NDEL1: variants seen among roughly 807,000 people sequenced by gnomAD.
NDEL1 encodes nudE neurodevelopment protein 1 like 1.
A neutral mutation model predicts 45.7 loss-of-function variants in NDEL1; 9 were observed. The ratio of observed to expected loss-of-function variants is 0.20; its 90% CI spans 0.12 to 0.34. NDEL1 has a LOEUF of 0.34. Ranked by LOEUF, NDEL1 falls within the 10% of genes least tolerant of loss-of-function variation. The probability of loss-of-function intolerance (pLI) is 1.00; values close to 1 mark genes in which losing one functional copy is unlikely to be tolerated. For missense variants in NDEL1, 306 were observed against 406.2 expected (o/e 0.75, Z 2.12); for synonymous variants, 133 against 158.6 (o/e 0.84, Z 1.21).
At chr17:8,425,615 TC>T (rs1212938444) in intron 1 of NDEL1, among the ~76,000 whole-genome samples, 1 of 152,026 alleles carries the variant, frequency 6.6e-6, no homozygotes, top group African/African-American at 2.4e-5. Context: ...AAGCTTTTAT[TC>T]ATTGAATAAA....
intron 1 of NDEL1, among the ~76,000 whole-genome samples, chr17:8,420,227 A>G (rs1181569102): frequency 2.6e-5 from 4 of 152,312 alleles, no homozygotes; most frequent in Middle Eastern, 3.4e-3. Context: ...GGGAACATGA[A>G]TAGCTGCTTC....
At position 8,420,592 on chromosome 17, in the gene NDEL1, C is replaced by T. The variant is rs113947879; in HGVS notation, c.-13+7323C>T. 9.7e-3 allele frequency among the ~76,000 whole-genome samples: 1,482 copies of T among 152,292 alleles called. 17 individuals are homozygous for T. The highest frequency in any genetic ancestry group is 0.033 in the African/African-American group (1,377 of 41,560). Reference sequence around the variant, plus strand: ...AGCTTATTCTTCCCTGGGGCCTGGACGCTGTCCAGATGTAGGTCAAGTAAA... The same window carrying T: ...AGCTTATTCTTCCCTGGGGCCTGGATGCTGTCCAGATGTAGGTCAAGTAAA... On this transcript the variant is annotated intron_variant, in intron 1 of 4. Transcript: ENST00000582812.
intron 7 of NDEL1, among the ~76,000 whole-genome samples, chr17:8,458,376 C>A (rs2151734525): frequency 6.6e-6 from 1 of 152,178 alleles, no homozygotes; most frequent in South Asian, 2.1e-4. Context: ...GGATGTCTTT[C>A]AAATCTTAAT....
rs1910559829 is a variant in NDEL1, at chr17:8,452,370, T to C, written c.700+1417T>C. Among the ~76,000 whole-genome samples, 5 of 152,214 alleles carry C rather than the reference T, an allele frequency of 3.3e-5. No homozygotes were observed. In the South Asian group the frequency reaches 1.0e-3, roughly 32 times the overall value. On this transcript the variant is annotated intron_variant, in intron 6 of 8. Coordinates refer to ENST00000334527, the MANE Select transcript of NDEL1 (RefSeq NM_030808.5). ...TTTTTTTAATAGCCCGTTAGAGTTT[T>C]CATTCAGGGACTTGGGGAGTCAAAA...
chr17:8,451,614 C>A (rs1252825216), intron 6 of NDEL1, among the ~76,000 whole-genome samples: 1 of 152,172 alleles, frequency 6.6e-6, no homozygotes, highest in Non-Finnish European at 1.5e-5. Context: ...AGAATACTCA[C>A]ATTGCCATGA....
intron 8 of NDEL1, among the ~76,000 whole-genome samples, chr17:8,462,441 C>T (rs571922208): frequency 9.2e-5 from 14 of 152,234 alleles, no homozygotes; most frequent in African/African-American, 3.4e-4. Context: ...CGCTTTGCTT[C>T]GATTCCGGCT....
At chr17:8,428,411 C>T (rs180790991) in intron 1 of NDEL1, among the ~76,000 whole-genome samples, 2 of 138,622 alleles carry the variant, frequency 1.4e-5, no homozygotes, top group African/African-American at 5.5e-5. Flanking sequence ...GTTGCCCAGG[C>T]TGGAGTGTAG....
chr17:8,443,479 A>C lies in NDEL1; in HGVS notation c.-12-781A>C, dbSNP rs2030125. Among the ~76,000 whole-genome samples the C allele has an allele frequency of 9.2e-3, 1,394 of 152,262 alleles. 21 individuals are homozygous for C. The highest frequency in any genetic ancestry group is 0.073 in the South Asian group (354 of 4,828). On this transcript the variant is annotated intron_variant, in intron 1 of 8. Transcript: ENST00000334527. ...GCCTGAAAGAGCCTGGTGTGTTAAG[A>C]CAGTTTCGAACAGTACTGCCAGAAT...
downstream of NDEL1, among the ~76,000 whole-genome samples, chr17:8,468,576 TTAA>T (rs1911748862): frequency 6.6e-6 from 1 of 152,200 alleles, no homozygotes; most frequent in Non-Finnish European, 1.5e-5. Flanking sequence ...ATCCCTCAGG[TTAA>T]TGCTAGCAAG....
chr17:8,450,716 A>C, intron 5 of NDEL1, 64 bp from the exon 6 acceptor site: 1 of 1,397,424 alleles, frequency 7.2e-7, no homozygotes, highest in Non-Finnish European at 9.7e-7. Flanking sequence ...TTTAGATGTC[A>C]CTTTGCTTGA....
At chr17:8,455,048 A>G (rs1310350244) in intron 7 of NDEL1, among the ~76,000 whole-genome samples, 161 bp downstream of exon 7, 1 of 152,218 alleles carries the variant, frequency 6.6e-6, no homozygotes, top group East Asian at 1.9e-4. Context: ...TCCAGATGAC[A>G]CTTCATGATG....
chr17:8,447,982 CGGG>C (rs34891973), intron 4 of NDEL1, among the ~76,000 whole-genome samples: 1 of 107,714 alleles, frequency 9.3e-6, no homozygotes, highest in African/African-American at 3.5e-5. Context: ...GGGAGGTGGG[CGGG>C]GGGGGGGCAG....
intron 1 of NDEL1, among the ~76,000 whole-genome samples, chr17:8,439,000 C>G (rs8072115): frequency 0.97 from 143,601 of 148,750 alleles, 69,532 homozygotes; most frequent in East Asian, 1. Context: ...GGAGTGCGGT[C>G]GCGCGCTCTC....
intron 4 of NDEL1, 66 bp from the exon 5 acceptor site, chr17:8,448,484 T>G: frequency 6.7e-7 from 1 of 1,503,596 alleles, no homozygotes; most frequent in South Asian, 1.2e-5. Flanking sequence ...ACTGACAGTT[T>G]CCTTTTGTAC....
chr17:8,448,795 T>TA, intron 5 of NDEL1, 109 bp downstream of exon 5: 1 of 1,137,998 alleles, frequency 8.8e-7, no homozygotes. Context: ...GGATTGAAAA[T>TA]ACAGTATTCA....
chr17:8,441,136 C>G (rs1394500654), intron 1 of NDEL1, among the ~76,000 whole-genome samples: 1 of 152,064 alleles, frequency 6.6e-6, no homozygotes, highest in Non-Finnish European at 1.5e-5. Context: ...AATGATCTGA[C>G]CAGTGAATAA....
In NDEL1 at chr17:8,428,331, T is replaced by TGTGTGA. The variant is rs1430369288; in HGVS notation, c.-13+15067_-13+15068insAGTGTG. On this transcript the variant is annotated intron_variant, in intron 1 of 4. Transcript: ENST00000582812. ...AAGGCTCAAGTGTGTGTGGTGTGTGTGTGTGTGTGTGTGTGTGTGTGTGTG... is the reference window on the plus strand; with the variant it reads ...AAGGCTCAAGTGTGTGTGGTGTGTGTGTGTGAGTGTGTGTGTGTGTGTGTGTGTGTG... Among the ~76,000 whole-genome samples the TGTGTGA allele has an allele frequency of 1.0e-4, 4 of 40,016 alleles. No homozygotes were observed. In the South Asian group the frequency reaches 5.4e-3, roughly 54 times the overall value. 26.3% of individuals were successfully genotyped at this position (40,016 alleles called of 152,430 possible).
At chr17:8,437,005 A>G (rs774695643) in intron 1 of NDEL1, among the ~76,000 whole-genome samples, 12 of 152,222 alleles carry the variant, frequency 7.9e-5, no homozygotes, top group Non-Finnish European at 1.5e-4. Flanking sequence ...CTTGCCAAAG[A>G]TATGCCAGAA....
At chr17:8,448,442 G>A in intron 4 of NDEL1, 108 bp from the exon 5 acceptor site, 3 of 1,207,858 alleles carry the variant, frequency 2.5e-6, no homozygotes, top group Non-Finnish European at 3.5e-6. Context: ...ATTGGGGCCA[G>A]GCTGGCTAGG....
Sources: allele counts gnomAD v4.1 joint callset (sites outside exome capture counted in the v4.1 genomes callset), GRCh38; gene constraint gnomAD v4.1.1; transcripts MANE v1.5; gene names NCBI Gene and HGNC (gene_info 2026-07-23, HGNC 2026-07-21).